TUBAL3: variants seen among roughly 807,000 people sequenced by gnomAD.
The protein encoded by TUBAL3 is tubulin alpha like 3.
Under a neutral mutation model 15.5 loss-of-function variants are expected in TUBAL3, and 16 were observed. The observed-to-expected ratio is 1.04, with a 90% CI of 0.70 to 1.57. The LOEUF (loss-of-function observed/expected upper bound fraction) is 1.57. TUBAL3 is among the 40% of genes most tolerant of loss of function. TUBAL3 has a pLI of 0.00. For synonymous variants in TUBAL3, 238 were observed against 224.3 expected (o/e 1.06, Z -0.55); for missense variants, 609 against 576.2 (o/e 1.06, Z -0.58).
chr10:5,395,382 C>T lies in TUBAL3; in HGVS notation c.341G>A (p.Arg114His), dbSNP rs148240710. The change falls in exon 3 of 4, where the codon CGT (arginine) becomes CAT (histidine). Residue 114 changes from arginine to histidine, a missense_variant. By Grantham distance (29) the Arg-to-His change is conservative. Transcript: ENST00000380419. This position sits in a 1 kb window ranked among gnomAD's most constrained non-coding sequence, Gnocchi z 4.6. Reference sequence around the variant, plus strand: ...GATGACCTCCGACCCCACAGAGTAACGGCCTCGCGCGTAATTGTTAGCAGC... The same window carrying T: ...GATGACCTCCGACCCCACAGAGTAATGGCCTCGCGCGTAATTGTTAGCAGC... ...EDAANNYARG[R>H]YSVGSEVIDL... The T allele has an allele frequency of 2.3e-4, 374 of 1,606,010 alleles. No individual in the cohort carries two copies. In the African/African-American group the frequency reaches 3.9e-3, roughly 17 times the overall value.
Position 5,395,571 on chromosome 10 carries a change from C to G in TUBAL3, c.248-96G>C, listed in dbSNP as rs782539612. 309 of 1,262,272 alleles carry G rather than the reference C, an allele frequency of 2.4e-4. 1 individual carries two copies. Among genetic ancestry groups the G allele is most frequent in the Middle Eastern group, 4.6e-4 (2 of 4,358 alleles). The allele number at this position is 1,262,272 out of a possible 1,614,324, so 78.2% of individuals were successfully genotyped here. On this transcript the variant is annotated intron_variant, in intron 2 of 3. Coordinates refer to ENST00000380419, the MANE Select transcript of TUBAL3 (RefSeq NM_024803.3). This position sits in a 1 kb window ranked among gnomAD's most constrained non-coding sequence, Gnocchi z 4.6. ...CCTGGAGCCTCCCCGTACTTGACTC[C>G]CATGCTTTCTCTCAATATTGTGGTC...
At chr10:5,399,356 G>C (rs139723285) in intron 2 of TUBAL3, among the ~76,000 whole-genome samples, 1 of 152,322 alleles carries the variant, frequency 6.6e-6, no homozygotes, top group African/African-American at 2.4e-5. Context: ...TAAGGGTAGA[G>C]ACTTCATTAT....
intron 1 of TUBAL3, among the ~76,000 whole-genome samples, chr10:5,403,081 A>G (rs561908762): frequency 7.9e-5 from 12 of 152,304 alleles, no homozygotes; most frequent in African/African-American, 2.4e-4. Context: ...TTCATGACCA[A>G]TTCAAGTTCA....
chr10:5,400,338 AAGGCTAACCT>A (rs1235119082), intron 2 of TUBAL3, among the ~76,000 whole-genome samples: 1 of 152,232 alleles, frequency 6.6e-6, no homozygotes, highest in East Asian at 1.9e-4. Context: ...ACAGGTAAAG[AAGGCTAACCT>A]AGGCCAAGTG....
rs782626582 is a variant in TUBAL3 at position 5,393,952 on chromosome 10, G to C, written c.906C>G (p.Cys302Trp). The C allele has an allele frequency of 6.2e-7, 1 of 1,614,210 alleles. No homozygotes were observed. The highest frequency in any genetic ancestry group is 8.5e-7 in the Non-Finnish European group (1 of 1,180,034). The change falls in exon 4 of 4, where the codon TGC (cysteine) becomes TGG (tryptophan). Residue 302 changes from cysteine to tryptophan, a missense_variant. By Grantham distance (215) the Cys-to-Trp change is radical. Transcript: ENST00000380419. ...QFSVSDITTA[C>W]FESSNQLVKC... ...TGACCAGCTGGTTGGAGGACTCAAA[G>C]CAGGCAGTGGTGATGTCTGACACAG...
In TUBAL3 at chr10:5,393,858, C is replaced by T; in HGVS notation, c.1000G>A (p.Glu334Lys). The change falls in exon 4 of 4, where the codon GAA becomes AAA. Residue 334 changes from glutamate (E) to lysine (K), a missense_variant. Transcript: ENST00000380419. ...GTGGCTGCGATTGCTGCATTCACTT[C>T]CTTGGGGACCACATCCCCTCTATAG... The part of the protein sequence containing the change: ...LLYRGDVVPK[E>K]VNAAIAATKS... 1 of 1,614,202 alleles carries T rather than the reference C, an allele frequency of 6.2e-7. No homozygotes were observed. Among genetic ancestry groups the T allele is most frequent in the Non-Finnish European group, 8.5e-7 (1 of 1,180,038 alleles).
Position 5,395,254 on chromosome 10 carries a change from G to A in TUBAL3, c.396+73C>T. ...GGTGGCGATGGTGACAGCAGATAAT[G>A]CTTGTGAGTTCTGCCGCAGGACCCC... is the stretch of plus-strand genomic sequence containing the variant. On this transcript the variant is annotated intron_variant, in intron 3 of 3. Coordinates refer to ENST00000380419, the MANE Select transcript of TUBAL3 (RefSeq NM_024803.3). This position sits in a 1 kb window ranked among gnomAD's most constrained non-coding sequence, Gnocchi z 4.6. The A allele has an allele frequency of 2.2e-6, 3 of 1,379,162 alleles. No homozygotes were observed. Among genetic ancestry groups the A allele is most frequent in the Non-Finnish European group, 2.9e-6 (3 of 1,046,684 alleles). The allele number at this position is 1,379,162 out of a possible 1,614,324, so 85.4% of individuals were successfully genotyped here. A position where few individuals can be genotyped will look rare whatever the true frequency, so the allele number is the denominator to read the frequency against.
At chr10:5,399,354 G>C (rs1554814436) in intron 2 of TUBAL3, among the ~76,000 whole-genome samples, 1 of 152,200 alleles carries the variant, frequency 6.6e-6, no homozygotes, top group Non-Finnish European at 1.5e-5. Flanking sequence ...CATAAGGGTA[G>C]AGACTTCATT....
chr10:5,399,457 G>C (rs1831816364), intron 2 of TUBAL3, among the ~76,000 whole-genome samples: 1 of 152,160 alleles, frequency 6.6e-6, no homozygotes, highest in Non-Finnish European at 1.5e-5. Flanking sequence ...GCTGGGAAGA[G>C]AGCCTTCACC....
Position 5,397,585 on chromosome 10 carries a change from A to G in TUBAL3, c.248-2110T>C, listed in dbSNP as rs1314391411. ...TTGCAGCACCTGCCGTTCATAAGTA[A>G]TCCATGCCATCCACTCTAACTTCCC... On this transcript the variant is annotated intron_variant, in intron 2 of 3. Transcript: ENST00000380419. The surrounding 1 kb of genome is among the most constrained non-coding windows in gnomAD (Gnocchi z 4.9). 6.6e-6 allele frequency among the ~76,000 whole-genome samples: 1 copy of G among 152,130 alleles called. No individual in the cohort carries two copies.
intron 2 of TUBAL3, among the ~76,000 whole-genome samples, chr10:5,400,255 C>A (rs1390969214): frequency 6.6e-6 from 1 of 152,160 alleles, no homozygotes; most frequent in African/African-American, 2.4e-5. Context: ...GGCTCTCAAA[C>A]CCAGGAAAAG....
intron 1 of TUBAL3, among the ~76,000 whole-genome samples, chr10:5,403,381 G>T (rs1270344485): frequency 3.9e-5 from 6 of 152,114 alleles, no homozygotes; most frequent in African/African-American, 1.2e-4. Flanking sequence ...AACGTTCATT[G>T]TTTCTACATC....
Position 5,393,872 on chromosome 10 carries a change from T to C in TUBAL3, c.986A>G (p.Asp329Gly), listed in dbSNP as rs1831717232. Reference protein sequence around the residue: ...YMACCLLYRGDVVPKEVNAAI... With the variant: ...YMACCLLYRGGVVPKEVNAAI... The stretch of plus-strand genomic sequence containing the variant: ...TGCATTCACTTCCTTGGGGACCACA[T>C]CCCCTCTATAGAGTAGGCAGCAGGC... The change falls in exon 4 of 4, where the codon GAT (aspartate) becomes GGT (glycine). Residue 329 changes from aspartate (D) to glycine (G), a missense_variant. By Grantham distance (94) the Asp-to-Gly change is moderately conservative (BLOSUM62 -1). Coordinates refer to ENST00000380419, the MANE Select transcript of TUBAL3 (RefSeq NM_024803.3). 1 of 1,614,018 alleles carries C rather than the reference T, an allele frequency of 6.2e-7. No homozygotes were observed. Among genetic ancestry groups the C allele is most frequent in the Admixed American group, 1.7e-5 (1 of 59,998 alleles).
rs1413464851 is a variant in TUBAL3 at position 5,393,279 on chromosome 10, A to G, written c.*238T>C. 2.3e-6 allele frequency: 1 copy of G among 442,558 alleles called. No individual in the cohort carries two copies. Among genetic ancestry groups the G allele is most frequent in the Non-Finnish European group, 4.0e-6 (1 of 252,590 alleles). The allele number at this position is 442,558 out of a possible 1,614,324, so 27.4% of individuals were successfully genotyped here. On this transcript the variant is annotated 3_prime_UTR_variant, in exon 4 of 4. Coordinates refer to ENST00000380419, the MANE Select transcript of TUBAL3 (RefSeq NM_024803.3). Reference sequence around the variant, plus strand: ...CCACCTAGAAGTGACTCAGCAGTTCAAAGGACTCTAAGCTTCCAAAGGCTC... The same window carrying G: ...CCACCTAGAAGTGACTCAGCAGTTCGAAGGACTCTAAGCTTCCAAAGGCTC...
At chr10:5,404,646 C>T in intron 1 of TUBAL3, 144 bp downstream of exon 1, 1 of 821,456 alleles carries the variant, frequency 1.2e-6, no homozygotes, top group Non-Finnish European at 2.0e-6. Context: ...AACTCATCTA[C>T]TTGGACATTG....
chr10:5,395,455 G>A lies in TUBAL3; in HGVS notation c.268C>T (p.His90Tyr). 1 of 1,570,848 alleles carries A rather than the reference G, an allele frequency of 6.4e-7. No individual in the cohort carries two copies. Among genetic ancestry groups the A allele is most frequent in the Non-Finnish European group, 8.7e-7 (1 of 1,152,950 alleles). ...TGCTCGGGGTGGAAGAGTGAACGGT[G>A]CTGGCCCGTCCGGATCCCATCTGCA... is the stretch of plus-strand genomic sequence containing the variant. ...TVIDGIRTGQ[H>Y]RSLFHPEQLL... The change falls in exon 3 of 4, where the codon CAC becomes TAC. Residue 90 changes from histidine to tyrosine, a missense_variant. Physicochemically the swap from His to Tyr is moderately conservative, Grantham distance 83 (BLOSUM62 2). Coordinates refer to ENST00000380419, the MANE Select transcript of TUBAL3 (RefSeq NM_024803.3). The surrounding 1 kb of genome is among the most constrained non-coding windows in gnomAD (Gnocchi z 4.6).
chr10:5,403,293 T>C (rs1831883448), intron 1 of TUBAL3, among the ~76,000 whole-genome samples: 1 of 152,230 alleles, frequency 6.6e-6, no homozygotes, highest in African/African-American at 2.4e-5. Flanking sequence ...CTTAAAGTGC[T>C]GCAAATACAT....
Position 5,395,259 on chromosome 10 carries a change from T to C in TUBAL3, c.396+68A>G. 7.2e-7 allele frequency: 1 copy of C among 1,389,842 alleles called. No homozygotes were observed. 86.1% of individuals were successfully genotyped at this position (1,389,842 alleles called of 1,614,324 possible). A position where few individuals can be genotyped will look rare whatever the true frequency, so the allele number is the denominator to read the frequency against. On this transcript the variant is annotated intron_variant, in intron 3 of 3. Transcript: ENST00000380419. This position sits in a 1 kb window ranked among gnomAD's most constrained non-coding sequence, Gnocchi z 4.6. ...CGATGGTGACAGCAGATAATGCTTGTGAGTTCTGCCGCAGGACCCCACATG... is the reference window on the plus strand; with the variant it reads ...CGATGGTGACAGCAGATAATGCTTGCGAGTTCTGCCGCAGGACCCCACATG...
At chr10:5,403,028 T>G (rs1376385414) in intron 1 of TUBAL3, among the ~76,000 whole-genome samples, 21 of 152,344 alleles carry the variant, frequency 1.4e-4, no homozygotes, top group African/African-American at 5.0e-4. Context: ...ATCAAACCTT[T>G]GTACTTTGTC....
Sources: gnomAD v4.1 joint callset for allele counts (sites outside exome capture counted in the v4.1 genomes callset) on GRCh38, gnomAD v4.1.1 for gene constraint, Gnocchi (gnomAD v3.1) non-coding constraint, MANE v1.5 for transcripts, NCBI Gene and HGNC (gene_info 2026-07-23, HGNC 2026-07-21) for gene names.